WDR17: variants seen among roughly 807,000 people sequenced by gnomAD.
WDR17 encodes WD repeat-containing protein 17.
A neutral mutation model predicts 161.7 loss-of-function variants in WDR17; 143 were observed. The observed-to-expected ratio is 0.88, with a 90% CI of 0.77 to 1.02. The LOEUF is 1.02. Among genes scored for constraint, WDR17 ranks in the 50% least tolerant of loss-of-function variants. The pLI, the probability that WDR17 is intolerant of heterozygous loss-of-function variation, is 0.00. For missense variants in WDR17, 1,469 were observed against 1,520.9 expected (o/e 0.97, Z 0.57); for synonymous variants, 517 against 515.6 (o/e 1.00, Z -0.04).
At chr4:176,155,812 CT>C (rs1297312002) in intron 17 of WDR17, among the ~76,000 whole-genome samples, 1 of 150,732 alleles carries the variant, frequency 6.6e-6, no homozygotes, top group Non-Finnish European at 1.5e-5. Flanking sequence ...ATCCTCCCAC[CT>C]CAGCCTCCCA....
intron 1 of WDR17, among the ~76,000 whole-genome samples, chr4:176,068,587 G>C (rs1048823257): frequency 3.9e-5 from 6 of 152,204 alleles, no homozygotes; most frequent in African/African-American, 1.4e-4. Flanking sequence ...GGGCGACAGA[G>C]CAAGACAACG....
chr4:176,135,350 T>G (rs1272072830), intron 8 of WDR17, 74 bp downstream of exon 8: 1 of 1,488,112 alleles, frequency 6.7e-7, no homozygotes, highest in East Asian at 2.3e-5. Flanking sequence ...TTGAGTTACT[T>G]TCTTCCTCTT....
In WDR17 at chr4:176,111,684, T is replaced by C; in HGVS notation, c.104T>C (p.Leu35Pro). The part of the protein sequence containing the change: ...SGDRFAYCAT[L>P]AIYIYQLDHR... ...GACAGGTTTGCATATTGTGCGACCC[T>C]GGCTATCTATATTTATCAGGTAAAA... The change falls in exon 2 of 29, where the codon CTG becomes CCG. Residue 35 changes from leucine (L) to proline (P), a missense_variant. Leu to Pro is a moderately conservative substitution (Grantham distance 98). Coordinates refer to ENST00000508596, the MANE Select transcript of WDR17 (RefSeq NM_181265.4). 1 of 1,595,986 alleles carries C rather than the reference T, an allele frequency of 6.3e-7. No individual in the cohort carries two copies. The highest frequency in any genetic ancestry group is 8.6e-7 in the Non-Finnish European group (1 of 1,169,510).
rs76135070 is a variant in WDR17 at position 176,115,802 on chromosome 4, C to A, written c.130C>A (p.His44Asn). The A allele has an allele frequency of 6.3e-7, 1 of 1,589,806 alleles. No individual in the cohort carries two copies. Among genetic ancestry groups the A allele is most frequent in the Non-Finnish European group, 8.6e-7 (1 of 1,169,354 alleles). ...TLAIYIYQLD[H>N]RYNEFKLHAI... ...TTTATATATTTTGTTTTAGTTGGAT[C>A]ACCGTTATAATGAATTCAAACTTCA... Residue 44 changes from histidine to asparagine, a missense_variant, in exon 3 of 29, where the codon CAC becomes AAC. His to Asn is a moderately conservative substitution (Grantham distance 68). Transcript: ENST00000508596.
intron 9 of WDR17, among the ~76,000 whole-genome samples, 168 bp downstream of exon 9, chr4:176,137,779 C>A (rs188786294): frequency 9.2e-5 from 14 of 151,640 alleles, no homozygotes; most frequent in Admixed American, 9.2e-4. Flanking sequence ...AAAATGAATT[C>A]TGAAAATTGT....
intron 4 of WDR17, among the ~76,000 whole-genome samples, chr4:176,120,321 A>ATATATATATATAT (rs1561130376): frequency 8.9e-5 from 12 of 134,890 alleles, no homozygotes; most frequent in African/African-American, 3.5e-4. Flanking sequence ...TATATATATA[A>ATATATATATATAT]TACATTCAAC....
rs1751611587 is a variant in WDR17, at chr4:176,177,487, C to T, written c.3565C>T (p.Pro1189Ser). 1.3e-6 allele frequency: 2 copies of T among 1,563,486 alleles called. No homozygotes were observed. The highest frequency in any genetic ancestry group is 1.7e-6 in the Non-Finnish European group (2 of 1,163,906). The change falls in exon 28 of 29, where the codon CCG (proline) becomes TCG (serine). Residue 1189 changes from proline (P) to serine (S), a missense_variant. Coordinates refer to ENST00000508596, the MANE Select transcript of WDR17 (RefSeq NM_181265.4). ...QSTNRSLEDS[P>S]YTPPSDSQRM... is the part of the protein sequence containing the mutation. ...AAAATATAGATCATTAGAAGACTCT[C>T]CGTATACACCCCCTTCTGATTCACA...
intron 2 of WDR17, 27 bp from the exon 3 acceptor site, chr4:176,115,769 A>G: frequency 1.3e-6 from 2 of 1,518,430 alleles, no homozygotes; most frequent in Non-Finnish European, 1.8e-6. Context: ...GAGCACTAAA[A>G]TATTTTATTT....
At position 176,168,739 on chromosome 4, in the gene WDR17, T is replaced by G; in HGVS notation, c.3058T>G (p.Phe1020Val). ...NELHLIKLCA[F>V]YPGCTEEIND... ...ACTACATTTAATAAAACTCTGTGCT[T>G]TCTACCCAGGATGTACTGAAGAGAT... Residue 1020 changes from phenylalanine (F) to valine (V), a missense_variant, in exon 23 of 29, where the codon TTC becomes GTC. Phe to Val is a conservative substitution (Grantham distance 50). Coordinates refer to ENST00000508596, the MANE Select transcript of WDR17 (RefSeq NM_181265.4). 1.2e-6 allele frequency: 2 copies of G among 1,613,470 alleles called. No homozygotes were observed. The highest frequency in any genetic ancestry group is 1.7e-6 in the Non-Finnish European group (2 of 1,179,726).
intron 7 of WDR17, 44 bp from the exon 8 acceptor site, chr4:176,135,064 G>T (rs1280170819): frequency 5.7e-6 from 9 of 1,581,782 alleles, no homozygotes; most frequent in Non-Finnish European, 7.8e-6. Context: ...TTAATAATGT[G>T]AATTTTCCTC....
chr4:176,159,298 T>TACACACACAC (rs1190019312), intron 18 of WDR17, among the ~76,000 whole-genome samples: 1 of 120,516 alleles, frequency 8.3e-6, no homozygotes, highest in Non-Finnish European at 1.8e-5. Flanking sequence ...CACACACACA[T>TACACACACAC]ACACACACAC....
At chr4:176,104,002 G>C (rs1033092487) in intron 1 of WDR17, among the ~76,000 whole-genome samples, 1 of 152,090 alleles carries the variant, frequency 6.6e-6, no homozygotes, top group Non-Finnish European at 1.5e-5. Flanking sequence ...AGTGAATCTT[G>C]AAATTAGTAA....
In WDR17 at chr4:176,150,155, G is replaced by A. The variant is rs1411045694; in HGVS notation, c.2160G>A (p.Trp720Ter). The A allele has an allele frequency of 1.9e-6, 3 of 1,612,898 alleles. No homozygotes were observed. The highest frequency in any genetic ancestry group is 1.3e-5 in the African/African-American group (1 of 74,852). Residue 720 changes from tryptophan (W) to a stop codon, truncating the protein, a stop_gained, in exon 15 of 29, where the codon TGG becomes TGA. Transcript: ENST00000508596. LOFTEE classifies it high-confidence loss of function. The part of the protein sequence containing the change: ...TANSQVKKLR[W>*]FSECLSPPGG... ...ATTCTCAAGTGAAAAAACTAAGATG[G>A]TTCTCAGAATGTTTATCTGTAAGTA... is the stretch of plus-strand genomic sequence containing the variant.
At chr4:176,124,207 C>T (rs1163749086) in intron 4 of WDR17, among the ~76,000 whole-genome samples, 1 of 152,188 alleles carries the variant, frequency 6.6e-6, no homozygotes, top group African/African-American at 2.4e-5. Flanking sequence ...GTTAAGGCCG[C>T]AGTCTCTCTA....
chr4:176,090,069 G>A (rs996288715), intron 1 of WDR17, among the ~76,000 whole-genome samples: 3 of 151,938 alleles, frequency 2.0e-5, no homozygotes, highest in Admixed American at 2.0e-4. Context: ...TATTAGAGTA[G>A]GGCAGTGCTA....
At chr4:176,090,940 C>T (rs755324219) in intron 1 of WDR17, among the ~76,000 whole-genome samples, 3 of 152,214 alleles carry the variant, frequency 2.0e-5, no homozygotes, top group Non-Finnish European at 2.9e-5. Context: ...GTACAGATTG[C>T]TCATGCTGTT....
intron 15 of WDR17, 115 bp downstream of exon 15, chr4:176,150,288 C>G: frequency 6.7e-7 from 1 of 1,491,434 alleles, no homozygotes; most frequent in South Asian, 1.3e-5. Context: ...GTAACTCTTA[C>G]CATAATCTGT....
At chr4:176,070,046 C>T (rs1352000266) in intron 1 of WDR17, among the ~76,000 whole-genome samples, 2 of 152,042 alleles carry the variant, frequency 1.3e-5, no homozygotes, top group Non-Finnish European at 2.9e-5. Context: ...TACTCTAACA[C>T]CGTTATTCTG....
intron 5 of WDR17, among the ~76,000 whole-genome samples, chr4:176,126,179 A>G (rs1481709076): frequency 6.6e-6 from 1 of 152,190 alleles, no homozygotes; most frequent in African/African-American, 2.4e-5. Context: ...TTCAAACTAT[A>G]GCACTCACTG....
Sources: gnomAD v4.1 joint callset for allele counts (sites outside exome capture counted in the v4.1 genomes callset) on GRCh38, gnomAD v4.1.1 for gene constraint, MANE v1.5 for transcripts, NCBI Gene and HGNC (gene_info 2026-07-23, HGNC 2026-07-21) for gene names.